The following KLHL32 variants were observed in gnomAD, a reference collection of about 807,000 sequenced individuals.
The protein encoded by KLHL32 is kelch like family member 32, also known as kelch-like protein 32.
In KLHL32, 35 loss-of-function variants were observed where a neutral mutation model predicts 64.8. That is an observed-to-expected ratio of 0.54 (90% CI 0.41 to 0.72). The LOEUF is 0.72. Ranked by LOEUF, KLHL32 falls within the 30% of genes least tolerant of loss-of-function variation. KLHL32 has a pLI of 0.00. For missense variants in KLHL32, 589 were observed against 768.5 expected, an observed-to-expected ratio of 0.77 and a Z score of 2.76; for synonymous variants, 259 against 281.0, an observed-to-expected ratio of 0.92 and a Z score of 0.78.
chr6:97,046,528 A>G (rs959049324), intron 4 of KLHL32, among the ~76,000 whole-genome samples: 1 of 152,228 alleles, frequency 6.6e-6, no homozygotes, highest in Non-Finnish European at 1.5e-5. Context: ...ATGAGGGCTT[A>G]GACTTGTTCT....
In KLHL32 at chr6:97,066,658, T is replaced by C. The variant is rs111233770; in HGVS notation, c.411+1932T>C. Among the ~76,000 whole-genome samples the C allele has an allele frequency of 9.1e-3, 1,384 of 152,304 alleles. 22 individuals are homozygous for C. Among genetic ancestry groups the C allele is most frequent in the African/African-American group, 0.03 (1,265 of 41,560 alleles). On this transcript the variant is annotated intron_variant, in intron 5 of 10. Transcript: ENST00000369261. ...GAAGGAAATTTTGACTATATGAGTA[T>C]CAAAATCATGTCGACGTAGAAACCT...
chr6:97,095,125 A>C (rs914374710), intron 6 of KLHL32, among the ~76,000 whole-genome samples: 2 of 152,224 alleles, frequency 1.3e-5, no homozygotes, highest in Non-Finnish European at 2.9e-5. Flanking sequence ...ATCACAATGG[A>C]AAATTACTCA....
In KLHL32 at chr6:97,108,929, G is replaced by T. The variant is rs114859279; in HGVS notation, c.628-4854G>T. Among the ~76,000 whole-genome samples, 523 of 152,272 alleles carry T rather than the reference G, an allele frequency of 3.4e-3. 2 individuals are homozygous for T. The highest frequency in any genetic ancestry group is 0.012 in the African/African-American group (495 of 41,558). ...AGAGTGAATTTCCTCTGATAAGGCAGCAATTTACCATAGTGGATGGAACAG... is the reference window on the plus strand; with the variant it reads ...AGAGTGAATTTCCTCTGATAAGGCATCAATTTACCATAGTGGATGGAACAG... On this transcript the variant is annotated intron_variant, in intron 6 of 10. Coordinates refer to ENST00000369261, the MANE Select transcript of KLHL32 (RefSeq NM_052904.4).
At chr6:97,020,845 C>T (rs1781889803) in intron 3 of KLHL32, among the ~76,000 whole-genome samples, 1 of 150,748 alleles carries the variant, frequency 6.6e-6, no homozygotes, top group Non-Finnish European at 1.5e-5. Context: ...GCTAGTTTTT[C>T]CCAATCTCCC....
chr6:97,139,408 C>A lies in KLHL32; in HGVS notation c.*126C>A. The stretch of plus-strand genomic sequence containing the variant: ...GGTCTTATATTCGGATAAATTTAAG[C>A]AAAAAATGAACAATTTTCTAAAATA... On this transcript the variant is annotated 3_prime_UTR_variant, in exon 11 of 11. Coordinates refer to ENST00000369261, the MANE Select transcript of KLHL32 (RefSeq NM_052904.4). The A allele has an allele frequency of 3.6e-6, 3 of 832,224 alleles. No homozygotes were observed. The highest frequency in any genetic ancestry group is 3.0e-5 in the Admixed American group (1 of 33,396). The allele number at this position is 832,224 out of a possible 1,614,324, so 51.6% of individuals were successfully genotyped here. A position where few individuals can be genotyped will look rare whatever the true frequency, so the allele number is the denominator to read the frequency against.
chr6:97,103,978 A>C (rs1268853822), intron 6 of KLHL32, among the ~76,000 whole-genome samples: 1 of 152,246 alleles, frequency 6.6e-6, no homozygotes, highest in Non-Finnish European at 1.5e-5. Context: ...ATTTATTTTA[A>C]AAATGAGAGC....
intron 3 of KLHL32, among the ~76,000 whole-genome samples, chr6:97,014,138 CA>C (rs1431174090): frequency 6.6e-6 from 1 of 151,830 alleles, no homozygotes; most frequent in Non-Finnish European, 1.5e-5. Context: ...ACTAAAAATA[CA>C]AAAAATTAGC....
intron 3 of KLHL32, among the ~76,000 whole-genome samples, chr6:97,015,674 G>A (rs1248897019): frequency 6.6e-6 from 1 of 152,194 alleles, no homozygotes; most frequent in Non-Finnish European, 1.5e-5. Flanking sequence ...ATTTTCTGGG[G>A]AGACGTTCAA....
intron 2 of KLHL32, among the ~76,000 whole-genome samples, chr6:96,970,322 C>T (rs565682154): frequency 3.9e-4 from 60 of 152,262 alleles, no homozygotes; most frequent in Admixed American, 5.9e-4. Flanking sequence ...CTCTGCTGCT[C>T]GGGCCTTACC....
the KLHL32 span, among the ~76,000 whole-genome samples, chr6:96,917,755 T>A: frequency 6.6e-6 from 1 of 152,124 alleles, no homozygotes; most frequent in South Asian, 2.1e-4. Flanking sequence ...GAAAAGAATA[T>A]CACCCTAAGT....
chr6:97,134,201 G>A (rs1489853491), intron 10 of KLHL32, among the ~76,000 whole-genome samples: 1 of 152,096 alleles, frequency 6.6e-6, no homozygotes, highest in East Asian at 1.9e-4. Flanking sequence ...AGTAGAAGAG[G>A]AGAGATGATA....
intron 3 of KLHL32, among the ~76,000 whole-genome samples, chr6:96,978,077 T>C (rs992056041): frequency 1.3e-5 from 2 of 152,188 alleles, no homozygotes; most frequent in Non-Finnish European, 2.9e-5. Flanking sequence ...TAATGGACCG[T>C]AATATAGCCT....
At chr6:97,054,059 A>T (rs1224414473) in intron 4 of KLHL32, among the ~76,000 whole-genome samples, 1 of 152,122 alleles carries the variant, frequency 6.6e-6, no homozygotes, top group African/African-American at 2.4e-5. Flanking sequence ...GCAGCAGTAT[A>T]TGGGAGTTTT....
At chr6:97,025,151 G>C in intron 3 of KLHL32, 9 of 976,514 alleles carry the variant, frequency 9.2e-6, no homozygotes, top group Non-Finnish European at 1.1e-5. Context: ...TGATGAATTG[G>C]TATAAAGAAT....
At chr6:97,057,802 A>G (rs1259356294) in intron 4 of KLHL32, among the ~76,000 whole-genome samples, 3 of 152,158 alleles carry the variant, frequency 2.0e-5, no homozygotes, top group Non-Finnish European at 4.4e-5. Flanking sequence ...TGCTGTATCT[A>G]AAGAGTCATT....
At position 96,934,325 on chromosome 6, in the gene KLHL32, T is replaced by C. The variant is rs1037090175; in HGVS notation, c.-66+9299T>C. Among the ~76,000 whole-genome samples the C allele has an allele frequency of 2.0e-5, 3 of 152,204 alleles. No homozygotes were observed. In the East Asian group the frequency reaches 5.8e-4, roughly 29 times the overall value. ...CCCATTGAGTAATTATGGTGATAGGTCTACTTTGGGAGATGTGGTCTAGAG... is the reference window on the plus strand; with the variant it reads ...CCCATTGAGTAATTATGGTGATAGGCCTACTTTGGGAGATGTGGTCTAGAG... On this transcript the variant is annotated intron_variant, in intron 1 of 10. Coordinates refer to ENST00000369261, the MANE Select transcript of KLHL32 (RefSeq NM_052904.4).
At chr6:97,023,740 C>T (rs955516611) in intron 3 of KLHL32, among the ~76,000 whole-genome samples, 4 of 152,164 alleles carry the variant, frequency 2.6e-5, no homozygotes, top group African/African-American at 7.2e-5. Context: ...TGGATAGTAT[C>T]ACCTGAAGCC....
rs1193971196 is a variant in KLHL32, at chr6:97,056,096, C to CTTT, written c.313-8525_313-8523dup. Among the ~76,000 whole-genome samples, 372 of 123,678 alleles carry CTTT rather than the reference C, an allele frequency of 3.0e-3. 5 individuals are homozygous for CTTT. The highest frequency in any genetic ancestry group is 0.01 in the African/African-American group (312 of 30,372). The allele number at this position is 123,678 out of a possible 152,430, so 81.1% of individuals were successfully genotyped here. A position where few individuals can be genotyped will look rare whatever the true frequency, so the allele number is the denominator to read the frequency against. ...GCCAGCCTCCCTTTTCTTTTTTTTT[C>CTTT]TTTTTTTTTCTTTTTTTTTTTTTTT... On this transcript the variant is annotated intron_variant, in intron 4 of 10. Coordinates refer to ENST00000369261, the MANE Select transcript of KLHL32 (RefSeq NM_052904.4).
intron 1 of KLHL32, among the ~76,000 whole-genome samples, chr6:96,956,752 C>T (rs1001000653): frequency 5.9e-5 from 9 of 152,118 alleles, no homozygotes; most frequent in Admixed American, 3.9e-4. Context: ...TTATAATGTT[C>T]GATTGTTGTA....
Sources: gnomAD v4.1 joint callset for allele counts (sites outside exome capture counted in the v4.1 genomes callset) on GRCh38, gnomAD v4.1.1 for gene constraint, MANE v1.5 for transcripts, NCBI Gene and HGNC (gene_info 2026-07-23, HGNC 2026-07-21) for gene names.